The following RANBP17 variants were observed in gnomAD, a reference collection of about 807,000 sequenced individuals.
RANBP17 encodes the protein ran-binding protein 17.
A neutral mutation model predicts 141.2 loss-of-function variants in RANBP17; 158 were observed. That is an observed-to-expected ratio of 1.12 (90% CI 0.98 to 1.28). The LOEUF (loss-of-function observed/expected upper bound fraction) is 1.28, where lower values mean the gene tolerates loss of function less well. Ranked by LOEUF, RANBP17 falls within the 50% of genes most tolerant of loss-of-function variation. The probability of loss-of-function intolerance (pLI) is 0.00; values close to 1 mark genes in which losing one functional copy is unlikely to be tolerated. For missense variants in RANBP17, 1,438 were observed against 1,290.7 expected, an observed-to-expected ratio of 1.11 and a Z score of -1.75; for synonymous variants, 430 against 450.0, an observed-to-expected ratio of 0.96 and a Z score of 0.56.
intron 14 of RANBP17, among the ~76,000 whole-genome samples, chr5:171,081,635 A>C (rs1025160857): frequency 2.0e-4 from 30 of 152,176 alleles, no homozygotes; most frequent in African/African-American, 6.5e-4. Context: ...TTTGTAATTC[A>C]AACTAAGAAA....
At chr5:171,211,345 T>TCC (rs1362010928) in intron 20 of RANBP17, among the ~76,000 whole-genome samples, 6 of 152,014 alleles carry the variant, frequency 3.9e-5, no homozygotes, top group Non-Finnish European at 7.4e-5. Flanking sequence ...CACTGCAACC[T>TCC]CCGCCTCCCG....
intron 14 of RANBP17, among the ~76,000 whole-genome samples, chr5:171,148,955 C>G (rs1222225073): frequency 6.6e-6 from 1 of 152,130 alleles, no homozygotes; most frequent in Non-Finnish European, 1.5e-5. Flanking sequence ...GATAGCTGTT[C>G]ATATTATCGT....
At chr5:171,115,103 A>G (rs1330304734) in intron 14 of RANBP17, among the ~76,000 whole-genome samples, 1 of 152,062 alleles carries the variant, frequency 6.6e-6, no homozygotes, top group African/African-American at 2.4e-5. Flanking sequence ...CCTGTCTCTA[A>G]AACAAAAAAA....
At chr5:170,955,668 A>ATGCTCAGTGTGTG (rs70982315) in intron 13 of RANBP17, among the ~76,000 whole-genome samples, 2 of 64,788 alleles carry the variant, frequency 3.1e-5, no homozygotes, top group South Asian at 1.1e-3. Context: ...ATATATATAT[A>ATGCTCAGTGTGTG]TATATATATA....
In RANBP17 at chr5:171,242,765, G is replaced by A. The variant is rs761678485; in HGVS notation, c.2721G>A (p.Glu907=). The change falls in exon 24 of 28, where the codon GAG becomes GAA. Residue 907 remains glutamate, a synonymous_variant. Coordinates refer to ENST00000523189, the MANE Select transcript of RANBP17 (RefSeq NM_022897.5). The part of the protein sequence containing the change: ...QDHMSFIINL[E]PPVLMYVLTS... ...ATATGAGCTTCATCATCAACTTAGA[G>A]CCTCCTGTACTCATGTATGTTCTCA... The A allele has an allele frequency of 8.7e-6, 14 of 1,613,420 alleles. No homozygotes were observed. The East Asian group carries it at 2.7e-4, about 31-fold the overall frequency.
rs531827215 is a variant in RANBP17 at position 170,960,397 on chromosome 5, A to G, written c.1574+6695A>G. ...GATGTTGTATCCCACATGCACCTCT[A>G]ATTCAGTGACTAAAATTAAACTCAT... On this transcript the variant is annotated intron_variant, in intron 13 of 27. Coordinates refer to ENST00000523189, the MANE Select transcript of RANBP17 (RefSeq NM_022897.5). 3.9e-5 allele frequency among the ~76,000 whole-genome samples: 6 copies of G among 152,278 alleles called. No homozygotes were observed. In the South Asian group the frequency reaches 1.2e-3, roughly 32 times the overall value.
intron 14 of RANBP17, among the ~76,000 whole-genome samples, chr5:171,051,916 T>C (rs1053695119): frequency 1.3e-5 from 2 of 152,150 alleles, no homozygotes; most frequent in African/African-American, 4.8e-5. Context: ...GTCGCTTTCT[T>C]GTTGTTGTTT....
At chr5:171,068,673 G>C (rs1202455323) in intron 14 of RANBP17, among the ~76,000 whole-genome samples, 1 of 151,966 alleles carries the variant, frequency 6.6e-6, no homozygotes, top group East Asian at 1.9e-4. Context: ...TGCAACTTCT[G>C]CCTCCCATAT....
chr5:171,090,278 G>T (rs201277813), intron 14 of RANBP17, among the ~76,000 whole-genome samples: 1 of 152,180 alleles, frequency 6.6e-6, no homozygotes, highest in Non-Finnish European at 1.5e-5. Context: ...GAGCAAAGGT[G>T]ACTCTTGTTA....
chr5:171,239,328 C>A (rs1028079443), intron 22 of RANBP17, among the ~76,000 whole-genome samples: 3 of 152,122 alleles, frequency 2.0e-5, no homozygotes, highest in Non-Finnish European at 1.5e-5. Flanking sequence ...AAGAGGGAAC[C>A]TTTACCCTGT....
At chr5:171,297,759 G>A (rs1768905549) in intron 27 of RANBP17, among the ~76,000 whole-genome samples, 1 of 150,540 alleles carries the variant, frequency 6.6e-6, no homozygotes. Flanking sequence ...GTAATAGGCA[G>A]TGAAGACTGA....
intron 12 of RANBP17, among the ~76,000 whole-genome samples, chr5:170,930,657 C>T (rs568645396): frequency 1.3e-5 from 2 of 151,994 alleles, no homozygotes; most frequent in South Asian, 2.1e-4. Context: ...GAGAACATGC[C>T]GTGTTTGGTT....
chr5:171,003,205 C>T (rs551829611), intron 14 of RANBP17, among the ~76,000 whole-genome samples: 135 of 152,200 alleles, frequency 8.9e-4, no homozygotes, highest in African/African-American at 3.0e-3. Flanking sequence ...AAATGCACAG[C>T]CCTGCAATTC....
intron 14 of RANBP17, among the ~76,000 whole-genome samples, chr5:171,051,400 C>A (rs1782943413): frequency 6.6e-6 from 1 of 152,078 alleles, no homozygotes. Flanking sequence ...TTCTTTATTT[C>A]CCCTGCCCCT....
chr5:170,862,025 C>T lies in RANBP17; in HGVS notation c.-9C>T, dbSNP rs550500951. On this transcript the variant is annotated 5_prime_UTR_variant, in exon 1 of 28. Transcript: ENST00000523189. ...ACCGGCCGGCTGGCCGGCGCCGCCT[C>T]CTGGGAAGATGGCGCTGCACTTCCA... 43 of 1,460,260 alleles carry T rather than the reference C, an allele frequency of 2.9e-5. No homozygotes were observed. Among genetic ancestry groups the T allele is most frequent in the Non-Finnish European group, 3.6e-5 (40 of 1,113,014 alleles). The allele number at this position is 1,460,260 out of a possible 1,614,324, so 90.5% of individuals were successfully genotyped here. A position where few individuals can be genotyped will look rare whatever the true frequency, so the allele number is the denominator to read the frequency against.
At chr5:171,197,636 AGTAACCCTGATCAGATG>A (rs1762050557) in intron 18 of RANBP17, among the ~76,000 whole-genome samples, 1 of 152,234 alleles carries the variant, frequency 6.6e-6, no homozygotes, top group Non-Finnish European at 1.5e-5. Context: ...TAGTTCCCGC[AGTAACCCTGATCAGATG>A]GTAGTTGTGG....
chr5:170,909,509 A>G, intron 5 of RANBP17, 152 bp from the exon 6 acceptor site: 1 of 512,676 alleles, frequency 2.0e-6, no homozygotes, highest in East Asian at 3.3e-5. Context: ...TATTGGGATC[A>G]GTACGGGTTG....
chr5:170,887,538 G>A (rs1592850), intron 3 of RANBP17, among the ~76,000 whole-genome samples: 91,498 of 152,016 alleles, frequency 0.6, 29,257 homozygotes, highest in South Asian at 0.9. Context: ...TATTTGCTGA[G>A]AAGACTTTTC....
At chr5:171,205,648 G>A (rs781214927) in intron 20 of RANBP17, 36 bp downstream of exon 20, 18 of 1,523,224 alleles carry the variant, frequency 1.2e-5, no homozygotes, top group Non-Finnish European at 1.5e-5. Flanking sequence ...CCAGCTCTGT[G>A]CACAGAGGGA....
Sources: allele counts gnomAD v4.1 joint callset (sites outside exome capture counted in the v4.1 genomes callset), GRCh38; gene constraint gnomAD v4.1.1; transcripts MANE v1.5; gene names NCBI Gene and HGNC (gene_info 2026-07-23, HGNC 2026-07-21).